The following FBXW7 variants were observed in gnomAD, a reference collection of about 807,000 sequenced individuals.
The protein encoded by FBXW7 is F-box and WD repeat domain containing 7.
FBXW7 carries 11 observed loss-of-function variants against 86.3 expected under a neutral mutation model. The ratio of observed to expected loss-of-function variants is 0.13; its 90% CI spans 0.08 to 0.21. The LOEUF (loss-of-function observed/expected upper bound fraction) is 0.21. Among genes scored for constraint, FBXW7 ranks in the 10% least tolerant of loss-of-function variants. The pLI is 1.00. For synonymous variants in FBXW7, 313 were observed against 297.9 expected, an observed-to-expected ratio of 1.05 and a Z score of -0.52; for missense variants, 488 against 847.4, an observed-to-expected ratio of 0.58 and a Z score of 5.27.
At chr4:152,385,934 T>C (rs1431474884) in intron 4 of FBXW7, among the ~76,000 whole-genome samples, 1 of 151,974 alleles carries the variant, frequency 6.6e-6, no homozygotes, top group African/African-American at 2.4e-5. Context: ...TTTCATTTTT[T>C]TGGGAGGATT....
chr4:152,363,535 T>C (rs1425999650), intron 4 of FBXW7, among the ~76,000 whole-genome samples: 1 of 152,224 alleles, frequency 6.6e-6, no homozygotes, highest in Non-Finnish European at 1.5e-5. Context: ...GGCAATATTT[T>C]AAACCAAATG....
chr4:152,330,829 A>T lies in FBXW7; in HGVS notation c.1025T>A (p.Ile342Lys). ...TGGACTGTGTATGAAACCTGGTTTT[A>T]TTACTTTTCTTCTCTTGATGTGCAA... is the stretch of plus-strand genomic sequence containing the variant. ...EPLHIKRRKV[I>K]KPGFIHSPWK... The change falls in exon 9 of 14, where the codon ATA (isoleucine) becomes AAA (lysine). Residue 342 changes from isoleucine to lysine, a missense_variant. This residue lies in a region of FBXW7 where 57 missense variants were observed against 62.8 expected (regional missense o/e 0.91). Transcript: ENST00000281708. 1 of 1,612,436 alleles carries T rather than the reference A, an allele frequency of 6.2e-7. No homozygotes were observed. The highest frequency in any genetic ancestry group is 8.5e-7 in the Non-Finnish European group (1 of 1,178,846).
chr4:152,432,678 G>C (rs902259013), intron 2 of FBXW7, among the ~76,000 whole-genome samples: 1 of 152,102 alleles, frequency 6.6e-6, no homozygotes, highest in Non-Finnish European at 1.5e-5. Flanking sequence ...CGGGTATGGC[G>C]GCACAAGCCT....
chr4:152,372,806 T>C (rs1734115800), intron 4 of FBXW7, among the ~76,000 whole-genome samples: 2 of 152,018 alleles, frequency 1.3e-5, no homozygotes, highest in African/African-American at 4.8e-5. Context: ...TAATTAAAAA[T>C]TTGTTACATA....
At chr4:152,521,836 T>G (rs1749048269) in intron 2 of FBXW7, among the ~76,000 whole-genome samples, 1 of 145,958 alleles carries the variant, frequency 6.9e-6, no homozygotes, top group South Asian at 2.2e-4. Context: ...TTTTTTTTTT[T>G]GAGACTGAGT....
At chr4:152,500,650 C>T (rs1746856137) in intron 2 of FBXW7, among the ~76,000 whole-genome samples, 1 of 152,068 alleles carries the variant, frequency 6.6e-6, no homozygotes, top group Admixed American at 6.6e-5. Flanking sequence ...AAACTAGCTT[C>T]CCCATGGATG....
intron 2 of FBXW7, among the ~76,000 whole-genome samples, chr4:152,463,383 T>C (rs933206619): frequency 6.6e-6 from 1 of 152,030 alleles, no homozygotes; most frequent in African/African-American, 2.4e-5. Flanking sequence ...CACAAAACCA[T>C]AAGGAAATCA....
chr4:152,350,142 C>G lies in FBXW7; in HGVS notation c.502-18G>C, dbSNP rs370639568. ...CTTTTCATCTATAAGGTAAAACAAACAAGATATGTTTTTTAAAAATCGTCT... is the reference window on the plus strand; with the variant it reads ...CTTTTCATCTATAAGGTAAAACAAAGAAGATATGTTTTTTAAAAATCGTCT... On this transcript the variant is annotated intron_variant, in intron 4 of 13. Coordinates refer to ENST00000281708, the MANE Select transcript of FBXW7 (RefSeq NM_001349798.2). 6.9e-7 allele frequency: 1 copy of G among 1,455,328 alleles called. No individual in the cohort carries two copies. Among genetic ancestry groups the G allele is most frequent in the African/African-American group, 1.4e-5 (1 of 70,450 alleles). 90.2% of individuals were successfully genotyped at this position (1,455,328 alleles called of 1,614,324 possible).
At chr4:152,486,029 T>C (rs1057080040) in intron 2 of FBXW7, among the ~76,000 whole-genome samples, 1 of 152,200 alleles carries the variant, frequency 6.6e-6, no homozygotes, top group Non-Finnish European at 1.5e-5. Flanking sequence ...GTATACCATA[T>C]TACTGTACTG....
At chr4:152,477,894 G>C (rs1232549330) in intron 2 of FBXW7, among the ~76,000 whole-genome samples, 1 of 151,992 alleles carries the variant, frequency 6.6e-6, no homozygotes, top group East Asian at 1.9e-4. Context: ...AGAGTATTGA[G>C]CTAAAATTCT....
At chr4:152,518,832 A>G (rs1430091437) in intron 2 of FBXW7, among the ~76,000 whole-genome samples, 1 of 152,218 alleles carries the variant, frequency 6.6e-6, no homozygotes, top group Non-Finnish European at 1.5e-5. Flanking sequence ...TCCTAATGAA[A>G]AAACAAAAAT....
intron 2 of FBXW7, among the ~76,000 whole-genome samples, chr4:152,450,021 TC>T (rs1741767307): frequency 1.3e-5 from 2 of 152,238 alleles, no homozygotes; most frequent in Admixed American, 1.3e-4. Context: ...CTTCCCATTG[TC>T]TGTGACACTG....
chr4:152,376,518 A>C (rs897140108), intron 4 of FBXW7, among the ~76,000 whole-genome samples: 4 of 152,150 alleles, frequency 2.6e-5, no homozygotes, highest in Admixed American at 2.0e-4. Flanking sequence ...CACCCCTTGA[A>C]CTAACTGAAG....
At chr4:152,379,090 A>G (rs1190200427) in intron 4 of FBXW7, among the ~76,000 whole-genome samples, 1 of 152,176 alleles carries the variant, frequency 6.6e-6, no homozygotes, top group Non-Finnish European at 1.5e-5. Context: ...AAAGAAAAAA[A>G]TGTTGCTAGG....
chr4:152,524,694 A>G (rs1749339332), intron 2 of FBXW7, among the ~76,000 whole-genome samples: 1 of 151,678 alleles, frequency 6.6e-6, no homozygotes, highest in African/African-American at 2.4e-5. Context: ...TCCCTCCTTT[A>G]CTGCCTCTCT....
At chr4:152,379,784 C>G (rs1004457213) in intron 4 of FBXW7, among the ~76,000 whole-genome samples, 3 of 152,100 alleles carry the variant, frequency 2.0e-5, no homozygotes, top group Non-Finnish European at 4.4e-5. Flanking sequence ...CTCAGATGAG[C>G]AGCTAGAATA....
intron 2 of FBXW7, among the ~76,000 whole-genome samples, chr4:152,464,894 G>A (rs78408037): frequency 0.014 from 2,085 of 152,248 alleles, 26 homozygotes; most frequent in Middle Eastern, 0.037. Context: ...GGAAGAAAAA[G>A]GGGTCAGTAT....
intron 4 of FBXW7, among the ~76,000 whole-genome samples, chr4:152,360,619 A>G (rs1333643137): frequency 1.3e-5 from 2 of 152,074 alleles, no homozygotes; most frequent in Non-Finnish European, 2.9e-5. Flanking sequence ...TTTCTAAAGA[A>G]CAGACTTCAC....
chr4:152,414,426 A>G (rs750646089), intron 2 of FBXW7, among the ~76,000 whole-genome samples: 6 of 152,214 alleles, frequency 3.9e-5, no homozygotes, highest in Middle Eastern at 3.4e-3. Flanking sequence ...TCAACTGGAA[A>G]TAAGTTTGTC....
Sources: gnomAD v4.1 joint callset for allele counts (sites outside exome capture counted in the v4.1 genomes callset) on GRCh38, gnomAD v4.1.1 for gene constraint, gnomAD v4.1.1 regional missense constraint, MANE v1.5 for transcripts, NCBI Gene and HGNC (gene_info 2026-07-23, HGNC 2026-07-21) for gene names.